The following GBP7 variants were observed in gnomAD, a reference collection of about 807,000 sequenced individuals.
GBP7 encodes guanylate-binding protein 7.
A neutral mutation model predicts 61.3 loss-of-function variants in GBP7; 43 were observed. That is an observed-to-expected ratio of 0.70 (90% CI 0.55 to 0.91). GBP7 has a LOEUF of 0.91. Among genes scored for constraint, GBP7 ranks in the 40% least tolerant of loss-of-function variants. The pLI is 0.00. For missense variants in GBP7, 717 were observed against 740.5 expected, an observed-to-expected ratio of 0.97 and a Z score of 0.37; for synonymous variants, 267 against 271.0, an observed-to-expected ratio of 0.99 and a Z score of 0.14.
At chr1:89,133,858 A>G (rs190155597) in intron 9 of GBP7, among the ~76,000 whole-genome samples, 1 of 152,326 alleles carries the variant, frequency 6.6e-6, no homozygotes, top group East Asian at 1.9e-4. Context: ...TGGTAGGGAC[A>G]GGACTCTGGC....
intron 5 of GBP7, among the ~76,000 whole-genome samples, chr1:89,151,618 A>C (rs1003655698): frequency 1.3e-5 from 2 of 152,186 alleles, no homozygotes; most frequent in African/African-American, 4.8e-5. Context: ...ACTAAATATA[A>C]TCTGTTTAAC....
intron 1 of GBP7, among the ~76,000 whole-genome samples, chr1:89,175,068 A>G (rs567309290): frequency 6.6e-6 from 1 of 152,334 alleles, no homozygotes; most frequent in Admixed American, 6.5e-5. Context: ...TTGTGTTTTT[A>G]AGTTGAATGT....
chr1:89,175,819 T>A (rs1647723435), intron 1 of GBP7, 102 bp downstream of exon 1: 1 of 152,216 alleles, frequency 6.6e-6, no homozygotes, highest in African/African-American at 2.4e-5. Context: ...TGGACTTGTA[T>A]CCTGTAGCTG....
chr1:89,134,508 C>A (rs1275482220), intron 9 of GBP7, among the ~76,000 whole-genome samples: 1 of 151,734 alleles, frequency 6.6e-6, no homozygotes, highest in African/African-American at 2.4e-5. Context: ...CTAGAGGGGC[C>A]AGAGAACAAA....
In GBP7 at chr1:89,157,530, G is replaced by A. The variant is rs181820981; in HGVS notation, c.319-4753C>T. On this transcript the variant is annotated intron_variant, in intron 3 of 10. Transcript: ENST00000294671. ...AAAAAACGATATAGGGCATATCACC[G>A]CCGATCCCACAGAAATACAAACTAC... Among the ~76,000 whole-genome samples, 348 of 151,920 alleles carry A rather than the reference G, an allele frequency of 2.3e-3. 6 individuals carry two copies. The highest frequency in any genetic ancestry group is 0.02 in the Admixed American group (311 of 15,228).
intron 1 of GBP7, among the ~76,000 whole-genome samples, chr1:89,173,660 C>T (rs1163356137): frequency 6.6e-6 from 1 of 152,180 alleles, no homozygotes; most frequent in Non-Finnish European, 1.5e-5. Context: ...CCACCTTCTT[C>T]AGTATGGTTA....
chr1:89,175,668 T>C (rs1194826917), intron 1 of GBP7, among the ~76,000 whole-genome samples: 1 of 152,216 alleles, frequency 6.6e-6, no homozygotes, highest in East Asian at 1.9e-4. Flanking sequence ...TAATTTAAGA[T>C]GGTGTCAGAA....
chr1:89,171,926 C>G lies in GBP7; in HGVS notation c.10G>C (p.Glu4Gln). 2 of 1,612,370 alleles carry G rather than the reference C, an allele frequency of 1.2e-6. No homozygotes were observed. The highest frequency in any genetic ancestry group is 1.7e-6 in the Non-Finnish European group (2 of 1,178,760). The stretch of plus-strand genomic sequence containing the variant: ...CACACTGGGCCTGGCATGTGGATCT[C>G]TGATGCCATGTTCAGGGCGTTCCTC... MAS[E>Q]IHMPGPVCLT... Residue 4 changes from glutamate (E) to glutamine (Q), a missense_variant, in exon 2 of 11, where the codon GAG becomes CAG. By Grantham distance (29) the Glu-to-Gln change is conservative. Transcript: ENST00000294671.
intron 3 of GBP7, among the ~76,000 whole-genome samples, chr1:89,158,154 T>G (rs1682358814): frequency 6.6e-6 from 1 of 152,186 alleles, no homozygotes; most frequent in South Asian, 2.1e-4. Context: ...TTGGACAAAT[T>G]CAACAGCCCT....
chr1:89,149,766 G>T (rs897951642), intron 6 of GBP7, among the ~76,000 whole-genome samples, 194 bp from the exon 7 acceptor site: 3 of 151,208 alleles, frequency 2.0e-5, no homozygotes, highest in African/African-American at 7.3e-5. Context: ...CATGACTGTT[G>T]TTCCTATTTA....
At chr1:89,158,191 G>C (rs902421923) in intron 3 of GBP7, among the ~76,000 whole-genome samples, 5 of 152,144 alleles carry the variant, frequency 3.3e-5, no homozygotes, top group African/African-American at 1.2e-4. Flanking sequence ...AAATAAACTA[G>C]GTGTTGATGG....
chr1:89,164,810 A>C lies in GBP7; in HGVS notation c.239T>G (p.Met80Arg), dbSNP rs1010784550. The change falls in exon 3 of 11, where the codon ATG becomes AGG. Residue 80 changes from methionine to arginine, a missense_variant. This residue lies in a region of GBP7 where 387 missense variants were observed against 385.2 expected (regional missense o/e 1.00). Transcript: ENST00000294671. ...CTTGGAGGGGTGGGGCACACACCAC[A>C]TCCAGATGCCTTTGGTTTCAGACTT... is the stretch of plus-strand genomic sequence containing the variant. The part of the protein sequence containing the change: ...TVKSETKGIW[M>R]WCVPHPSKPN... 7 of 1,613,838 alleles carry C rather than the reference A, an allele frequency of 4.3e-6. No homozygotes were observed. The highest frequency in any genetic ancestry group is 5.9e-6 in the Non-Finnish European group (7 of 1,179,882).
At chr1:89,139,651 CAAAAG>C in intron 9 of GBP7, among the ~76,000 whole-genome samples, 1 of 152,320 alleles carries the variant, frequency 6.6e-6, no homozygotes, top group South Asian at 2.1e-4. Flanking sequence ...AGACACTTCT[CAAAAG>C]AAGACATTTA....
rs750515924 is a variant in GBP7 at position 89,152,657 on chromosome 1, T to C, written c.428+11A>G. ...CCATAAAACCTGGCTCTTCACTTCC[T>C]GGAAGGATACTGCAGCTGCTCCAGG... On this transcript the variant is annotated intron_variant, in intron 4 of 10. Transcript: ENST00000294671. 15 of 1,609,432 alleles carry C rather than the reference T, an allele frequency of 9.3e-6. No homozygotes were observed. The highest frequency in any genetic ancestry group is 2.2e-5 in the East Asian group (1 of 44,876).
At chr1:89,171,672 C>G in intron 2 of GBP7, 74 bp downstream of exon 2, 4 of 1,337,112 alleles carry the variant, frequency 3.0e-6, no homozygotes, top group Non-Finnish European at 4.2e-6. Context: ...TTTCTCTCAT[C>G]CCATCTTCAT....
At chr1:89,156,046 CA>C (rs1333987955) in intron 3 of GBP7, among the ~76,000 whole-genome samples, 1 of 152,104 alleles carries the variant, frequency 6.6e-6, no homozygotes, top group Non-Finnish European at 1.5e-5. Context: ...GAGTGGGGGC[CA>C]ATATTCAACA....
At chr1:89,150,171 A>C (rs1444334832) in intron 6 of GBP7, among the ~76,000 whole-genome samples, 159 bp downstream of exon 6, 1 of 152,232 alleles carries the variant, frequency 6.6e-6, no homozygotes, top group Admixed American at 6.5e-5. Context: ...TTCACAATAC[A>C]GCTTTTATAC....
intron 3 of GBP7, among the ~76,000 whole-genome samples, chr1:89,153,102 T>TCATATGAGGA (rs1442135141): frequency 6.6e-6 from 1 of 152,228 alleles, no homozygotes; most frequent in Non-Finnish European, 1.5e-5. Context: ...GAGAGCATCT[T>TCATATGAGGA]GGTATGAAGT....
intron 2 of GBP7, 98 bp downstream of exon 2, chr1:89,171,648 T>C (rs1647602009): frequency 6.4e-6 from 7 of 1,090,112 alleles, no homozygotes; most frequent in Admixed American, 6.3e-5. Flanking sequence ...TCAATACTTA[T>C]CCCCAACACT....
Sources: allele counts gnomAD v4.1 joint callset (sites outside exome capture counted in the v4.1 genomes callset), GRCh38; gene constraint gnomAD v4.1.1; regional missense constraint gnomAD v4.1.1; transcripts MANE v1.5; gene names NCBI Gene and HGNC (gene_info 2026-07-23, HGNC 2026-07-21).